BICRAL: variants seen among roughly 807,000 people sequenced by gnomAD.
The protein encoded by BICRAL is BRD4-interacting chromatin-remodeling complex-associated protein-like.
Under a neutral mutation model 91.8 loss-of-function variants are expected in BICRAL, and 8 were observed. The observed-to-expected ratio is 0.09, with a 90% CI of 0.05 to 0.16. The LOEUF (loss-of-function observed/expected upper bound fraction) is 0.16. BICRAL is among the 10% of genes least tolerant of loss of function. BICRAL has a pLI of 1.00. For missense variants in BICRAL, 1,038 were observed against 1,310.9 expected (o/e 0.79, Z 3.21); for synonymous variants, 445 against 491.1 (o/e 0.91, Z 1.24).
chr6:42,748,726 C>T (rs1188326968), intron 1 of BICRAL, among the ~76,000 whole-genome samples: 1 of 152,184 alleles, frequency 6.6e-6, no homozygotes, highest in Non-Finnish European at 1.5e-5. Flanking sequence ...CTGGACAGTT[C>T]TTTACAGCCC....
At chr6:42,808,378 C>T (rs1763769705) in intron 1 of BICRAL, among the ~76,000 whole-genome samples, 1 of 152,148 alleles carries the variant, frequency 6.6e-6, no homozygotes, top group South Asian at 2.1e-4. Flanking sequence ...TGATCGCCTG[C>T]CTCAGCCTCC....
intron 6 of BICRAL, among the ~76,000 whole-genome samples, chr6:42,831,599 T>G (rs1310020729): frequency 6.6e-6 from 1 of 152,128 alleles, no homozygotes; most frequent in Non-Finnish European, 1.5e-5. Context: ...GCTCCATAGT[T>G]CCAGCTCCTC....
intron 8 of BICRAL, among the ~76,000 whole-genome samples, chr6:42,854,773 A>C (rs112660706): frequency 3.3e-5 from 5 of 152,236 alleles, no homozygotes; most frequent in African/African-American, 1.2e-4. Flanking sequence ...CTCCCACCTC[A>C]GCCTACCAAA....
chr6:42,792,051 A>T (rs113749072), intron 1 of BICRAL, among the ~76,000 whole-genome samples: 53 of 152,316 alleles, frequency 3.5e-4, no homozygotes, highest in African/African-American at 1.3e-3. Flanking sequence ...TACAAAAGAA[A>T]AAAATGGTGC....
chr6:42,802,447 T>TTGC (rs1350217244), intron 1 of BICRAL, among the ~76,000 whole-genome samples: 1 of 151,704 alleles, frequency 6.6e-6, no homozygotes, highest in African/African-American at 2.4e-5. Flanking sequence ...GTTGTTGTTG[T>TTGC]TGTTGTTGTT....
chr6:42,775,215 G>C (rs552980512), intron 1 of BICRAL, among the ~76,000 whole-genome samples: 1 of 152,196 alleles, frequency 6.6e-6, no homozygotes, highest in Non-Finnish European at 1.5e-5. Context: ...GATCACAGGC[G>C]TGAGCCACTG....
At chr6:42,814,381 A>AT (rs1763917649) in intron 2 of BICRAL, among the ~76,000 whole-genome samples, 1 of 145,960 alleles carries the variant, frequency 6.9e-6, no homozygotes, top group Non-Finnish European at 1.5e-5. Flanking sequence ...ATATGTATAT[A>AT]TATAAATTAT....
At chr6:42,862,267 A>G (rs1765575250) in intron 11 of BICRAL, among the ~76,000 whole-genome samples, 1 of 152,046 alleles carries the variant, frequency 6.6e-6, no homozygotes, top group Non-Finnish European at 1.5e-5. Context: ...GTACATATAT[A>G]TTCTTATGTG....
chr6:42,857,614 A>AAAAAAAAAAATATATATAT, intron 10 of BICRAL, among the ~76,000 whole-genome samples: 1 of 96,242 alleles, frequency 1.0e-5, no homozygotes, highest in African/African-American at 6.5e-5. Flanking sequence ...AAAAAAAAAA[A>AAAAAAAAAAATATATATAT]ATATATATAT....
intron 1 of BICRAL, among the ~76,000 whole-genome samples, chr6:42,750,703 G>A (rs1239798253): frequency 6.6e-6 from 1 of 151,800 alleles, no homozygotes; most frequent in African/African-American, 2.4e-5. Flanking sequence ...AGCCTCCTGA[G>A]TAGCTGGGAT....
At chr6:42,782,591 T>C (rs1369006748) in intron 1 of BICRAL, among the ~76,000 whole-genome samples, 1 of 147,152 alleles carries the variant, frequency 6.8e-6, no homozygotes, top group Non-Finnish European at 1.5e-5. Context: ...GATGCAAATT[T>C]CTGGAGCGGG....
intron 6 of BICRAL, among the ~76,000 whole-genome samples, chr6:42,850,365 C>G (rs1765139542): frequency 6.6e-6 from 1 of 151,760 alleles, no homozygotes; most frequent in African/African-American, 2.4e-5. Flanking sequence ...ACTAAAAATA[C>G]AAAAATTAGC....
In BICRAL at chr6:42,865,070, T is replaced by C. The variant is rs780955675; in HGVS notation, c.2864T>C (p.Leu955Pro). The C allele has an allele frequency of 1.8e-5, 29 of 1,613,996 alleles. No homozygotes were observed. The highest frequency in any genetic ancestry group is 9.3e-5 in the African/African-American group (7 of 74,904). ...TCGGATCATGGTACTGAGAGCAAACTGTCAAGCATCCTAGCAGATTCGCAC... is the reference window on the plus strand; with the variant it reads ...TCGGATCATGGTACTGAGAGCAAACCGTCAAGCATCCTAGCAGATTCGCAC... Reference protein sequence around the residue: ...SRSDHGTESKLSSILADSHLE... With the variant: ...SRSDHGTESKPSSILADSHLE... Residue 955 changes from leucine to proline, a missense_variant, in exon 13 of 13, where the codon CTG (leucine) becomes CCG (proline). Transcript: ENST00000314073.
intron 2 of BICRAL, among the ~76,000 whole-genome samples, chr6:42,812,887 T>G (rs1763879232): frequency 6.6e-6 from 1 of 151,770 alleles, no homozygotes; most frequent in African/African-American, 2.4e-5. Context: ...ATACAGAAAT[T>G]AGCTGGGCAT....
chr6:42,857,295 C>G, intron 10 of BICRAL, 59 bp downstream of exon 10: 1 of 1,443,584 alleles, frequency 6.9e-7, no homozygotes. Context: ...CCATGGACAC[C>G]CCCCAGAAAA....
At chr6:42,782,484 G>T (rs1762943302) in intron 1 of BICRAL, among the ~76,000 whole-genome samples, 1 of 151,340 alleles carries the variant, frequency 6.6e-6, no homozygotes, top group Non-Finnish European at 1.5e-5. Flanking sequence ...TCTCGGGCGG[G>T]GGCGCAGGCG....
intron 11 of BICRAL, among the ~76,000 whole-genome samples, chr6:42,861,012 G>A (rs909952842): frequency 2.0e-5 from 3 of 152,166 alleles, no homozygotes; most frequent in Non-Finnish European, 4.4e-5. Flanking sequence ...TGTAATCCCA[G>A]CTACTCGGGA....
At chr6:42,809,411 G>A (rs1177504404) in intron 1 of BICRAL, among the ~76,000 whole-genome samples, 2 of 147,688 alleles carry the variant, frequency 1.4e-5, no homozygotes, top group Admixed American at 6.8e-5. Flanking sequence ...GTTAATTGTC[G>A]TCTTTTCCAA....
At chr6:42,806,096 C>A (rs1341852883) in intron 1 of BICRAL, among the ~76,000 whole-genome samples, 2 of 151,976 alleles carry the variant, frequency 1.3e-5, no homozygotes, top group Non-Finnish European at 2.9e-5. Flanking sequence ...GATGCATTCC[C>A]AAATAAGATT....
Sources: allele counts gnomAD v4.1 joint callset (sites outside exome capture counted in the v4.1 genomes callset), GRCh38; gene constraint gnomAD v4.1.1; transcripts MANE v1.5; gene names NCBI Gene and HGNC (gene_info 2026-07-23, HGNC 2026-07-21).